The following C1GALT1 variants were observed in gnomAD, a reference collection of about 807,000 sequenced individuals.
C1GALT1 encodes glycoprotein-N-acetylgalactosamine 3-beta-galactosyltransferase 1.
In C1GALT1, 11 loss-of-function variants were observed where a neutral mutation model predicts 31.0. The ratio of observed to expected loss-of-function variants is 0.36; its 90% CI spans 0.22 to 0.59. The LOEUF (loss-of-function observed/expected upper bound fraction) is 0.59. C1GALT1 is among the 20% of genes least tolerant of loss of function. The pLI is 0.79. For synonymous variants in C1GALT1, 175 were observed against 143.6 expected (o/e 1.22, Z -1.56); for missense variants, 424 against 425.2 (o/e 1.00, Z 0.03).
chr7:7,167,278 G>A (rs905541496), intron 2 of C1GALT1, among the ~76,000 whole-genome samples: 3 of 152,236 alleles, frequency 2.0e-5, no homozygotes, highest in South Asian at 2.1e-4. Context: ...AGTTTGCCCC[G>A]AATGGCAATC....
chr7:7,226,709 C>T lies in C1GALT1; in HGVS notation c.-17-7594C>T, dbSNP rs1782776451. 2.0e-5 allele frequency among the ~76,000 whole-genome samples: 3 copies of T among 152,028 alleles called. No homozygotes were observed. The South Asian group carries it at 6.2e-4, about 32-fold the overall frequency. Reference sequence around the variant, plus strand: ...CATTAAAAAAAACTGCTTGCTGAAACCCAGCTAACAAAAACATGATATTAA... The same window carrying T: ...CATTAAAAAAAACTGCTTGCTGAAATCCAGCTAACAAAAACATGATATTAA... On this transcript the variant is annotated intron_variant, in intron 1 of 3. Transcript: ENST00000436587.
At chr7:7,197,081 A>G (rs898830999) in intron 1 of C1GALT1, among the ~76,000 whole-genome samples, 1 of 152,100 alleles carries the variant, frequency 6.6e-6, no homozygotes. Context: ...CTTCTGTGCC[A>G]TTGCTTTTGG....
At chr7:7,218,911 G>A (rs1782378511) in intron 1 of C1GALT1, among the ~76,000 whole-genome samples, 2 of 150,398 alleles carry the variant, frequency 1.3e-5, no homozygotes, top group Admixed American at 6.6e-5. Flanking sequence ...TCGGCTCACT[G>A]CAAGCTCCGC....
At chr7:7,184,888 C>T (rs1221237187) in intron 1 of C1GALT1, among the ~76,000 whole-genome samples, 1 of 152,168 alleles carries the variant, frequency 6.6e-6, no homozygotes, top group Non-Finnish European at 1.5e-5. Flanking sequence ...ACTTCAAATT[C>T]AGTGGGATTA....
At chr7:7,210,732 C>CG (rs761500817) in intron 1 of C1GALT1, among the ~76,000 whole-genome samples, 24 of 152,054 alleles carry the variant, frequency 1.6e-4, no homozygotes, top group Admixed American at 1.4e-3. Context: ...GTTCTACGCT[C>CG]GTCGGGATTC....
chr7:7,177,678 C>A (rs1780519602), upstream of C1GALT1, among the ~76,000 whole-genome samples: 1 of 152,154 alleles, frequency 6.6e-6, no homozygotes, highest in Admixed American at 6.5e-5. Context: ...AATGATGCTA[C>A]TATTTTATAC....
chr7:7,161,201 C>T (rs909421883), intron 2 of C1GALT1, among the ~76,000 whole-genome samples: 2 of 152,040 alleles, frequency 1.3e-5, no homozygotes, highest in Non-Finnish European at 2.9e-5. Flanking sequence ...CCATCCTTAC[C>T]AAAGACAGAC....
At chr7:7,242,925 A>C (rs921617781) in intron 3 of C1GALT1, among the ~76,000 whole-genome samples, 1 of 152,162 alleles carries the variant, frequency 6.6e-6, no homozygotes, top group Non-Finnish European at 1.5e-5. Context: ...ACAAATGTGG[A>C]AATTAAAGCT....
intron 2 of C1GALT1, among the ~76,000 whole-genome samples, chr7:7,165,423 G>A (rs1347790786): frequency 1.6e-4 from 25 of 151,946 alleles, no homozygotes; most frequent in Admixed American, 1.5e-3. Flanking sequence ...TTTCAGTTAC[G>A]CTAAGGGAAT....
intron 1 of C1GALT1, among the ~76,000 whole-genome samples, chr7:7,189,898 G>T (rs1554290054): frequency 6.6e-6 from 1 of 151,858 alleles, no homozygotes; most frequent in Non-Finnish European, 1.5e-5. Flanking sequence ...TTCCCCAAAA[G>T]ATTAATTAAT....
chr7:7,175,294 C>G (rs1284158714), intron 2 of C1GALT1, among the ~76,000 whole-genome samples: 6 of 152,206 alleles, frequency 3.9e-5, no homozygotes, highest in African/African-American at 1.4e-4. Context: ...GAAGCTCTCA[C>G]AGTCTTTGCA....
upstream of C1GALT1, among the ~76,000 whole-genome samples, chr7:7,182,082 T>C (rs1313511535): frequency 1.3e-5 from 2 of 152,156 alleles, no homozygotes; most frequent in Non-Finnish European, 2.9e-5. Flanking sequence ...CCAGCACCCG[T>C]ATGCATACTT....
At chr7:7,180,949 G>T (rs1285293220), upstream of C1GALT1, among the ~76,000 whole-genome samples, 1 of 152,072 alleles carries the variant, frequency 6.6e-6, no homozygotes, top group Non-Finnish European at 1.5e-5. Context: ...AAGGCAGGGT[G>T]GGGGCAGGGC....
In C1GALT1 at chr7:7,245,569, A is replaced by G. The variant is rs913140432; in HGVS notation, c.*1842A>G. 3 of 152,224 alleles carry G rather than the reference A, an allele frequency of 2.0e-5. No homozygotes were observed. The highest frequency in any genetic ancestry group is 2.0e-4 in the Admixed American group (3 of 15,276). The allele number at this position is 152,224 out of a possible 1,614,324, so 9.4% of individuals were successfully genotyped here. A position where few individuals can be genotyped will look rare whatever the true frequency, so the allele number is the denominator to read the frequency against. ...AGGATGTTCATTTCATTGGTTAACC[A>G]TGGACTACTCTGTCCACGTAGTGAA... On this transcript the variant is annotated 3_prime_UTR_variant, in exon 4 of 4. Transcript: ENST00000436587.
chr7:7,178,996 A>G (rs79744365), upstream of C1GALT1, among the ~76,000 whole-genome samples: 330 of 152,264 alleles, frequency 2.2e-3, no homozygotes, highest in African/African-American at 7.6e-3. Context: ...GATGCATGCA[A>G]TCATTTGAAG....
intron 1 of C1GALT1, among the ~76,000 whole-genome samples, chr7:7,226,293 A>G (rs796862770): frequency 2.0e-5 from 3 of 152,298 alleles, no homozygotes; most frequent in African/African-American, 7.2e-5. Flanking sequence ...CAGCAAATGA[A>G]TGCCATAATC....
chr7:7,210,470 C>T (rs1057137040), intron 1 of C1GALT1: 2 of 133,666 alleles, frequency 1.5e-5, no homozygotes, highest in Non-Finnish European at 3.1e-5. Context: ...ATAGGCCAGA[C>T]AGAAGGGAGA....
chr7:7,177,570 T>G (rs1475825611), upstream of C1GALT1, among the ~76,000 whole-genome samples: 1 of 152,192 alleles, frequency 6.6e-6, no homozygotes, highest in Non-Finnish European at 1.5e-5. Flanking sequence ...TTATGCATTC[T>G]TTTAAAAGAG....
intron 2 of C1GALT1, among the ~76,000 whole-genome samples, chr7:7,170,618 AC>A (rs1780443228): frequency 6.6e-6 from 1 of 152,088 alleles, no homozygotes; most frequent in Non-Finnish European, 1.5e-5. Context: ...CCCCATCTCT[AC>A]TAAAAATATG....
Sources: gnomAD v4.1 joint callset for allele counts (sites outside exome capture counted in the v4.1 genomes callset) on GRCh38, gnomAD v4.1.1 for gene constraint, MANE v1.5 for transcripts, NCBI Gene and HGNC (gene_info 2026-07-23, HGNC 2026-07-21) for gene names.